CSMD3: variants seen among roughly 807,000 people sequenced by gnomAD.
CSMD3 encodes the protein CUB and sushi domain-containing protein 3.
In CSMD3, 177 loss-of-function variants were observed where a neutral mutation model predicts 435.2. The ratio of observed to expected loss-of-function variants is 0.41; its 90% CI spans 0.36 to 0.46. The LOEUF (loss-of-function observed/expected upper bound fraction) is 0.46. CSMD3 is among the 20% of genes least tolerant of loss of function. The pLI is 0.34. For missense variants in CSMD3, 4,265 were observed against 4,504.6 expected (o/e 0.95, Z 1.52); for synonymous variants, 1,656 against 1,520.5 (o/e 1.09, Z -2.07).
chr8:113,005,374 C>T (rs1488782435), intron 6 of CSMD3, among the ~76,000 whole-genome samples: 1 of 151,820 alleles, frequency 6.6e-6, no homozygotes, highest in Non-Finnish European at 1.5e-5. Context: ...AATATGTAAA[C>T]TATGTAATTT....
intron 10 of CSMD3, among the ~76,000 whole-genome samples, chr8:112,870,931 T>C (rs903914646): frequency 1.3e-5 from 2 of 152,146 alleles, no homozygotes; most frequent in Non-Finnish European, 2.9e-5. Flanking sequence ...GAAAAGGAAT[T>C]GTTTTACTTA....
intron 22 of CSMD3, among the ~76,000 whole-genome samples, chr8:112,615,005 G>GA (rs36049852): frequency 0.57 from 86,334 of 150,610 alleles, 25,123 homozygotes; most frequent in African/African-American, 0.68. Context: ...GACATAACAA[G>GA]AAAAAAAAAC....
intron 5 of CSMD3, among the ~76,000 whole-genome samples, chr8:113,045,279 C>CAT (rs1258032375): frequency 6.7e-6 from 1 of 149,112 alleles, no homozygotes; most frequent in Non-Finnish European, 1.5e-5. Context: ...GGCATACCTG[C>CAT]ATATATTGGT....
chr8:112,244,589 A>C lies in CSMD3; in HGVS notation c.10223-16T>G. On this transcript the variant is annotated splice_polypyrimidine_tract_variant and intron_variant, in intron 64 of 70. Coordinates refer to ENST00000297405, the MANE Select transcript of CSMD3 (RefSeq NM_198123.2). ...CAGCTGTGGGCTATATTAAGAAAAG[A>C]GAACAATGTAAATTTTCTATAGATA... 6.2e-7 allele frequency: 1 copy of C among 1,611,124 alleles called. No homozygotes were observed. Among genetic ancestry groups the C allele is most frequent in the South Asian group, 1.1e-5 (1 of 91,008 alleles).
intron 49 of CSMD3, among the ~76,000 whole-genome samples, chr8:112,313,500 A>T (rs1399592715): frequency 6.6e-6 from 1 of 152,108 alleles, no homozygotes; most frequent in Non-Finnish European, 1.5e-5. Flanking sequence ...CACTATTAAT[A>T]TTTTTTGTCA....
chr8:113,152,433 A>G (rs559722887), intron 4 of CSMD3, among the ~76,000 whole-genome samples: 1 of 152,206 alleles, frequency 6.6e-6, no homozygotes, highest in African/African-American at 2.4e-5. Context: ...ACAACTCAGT[A>G]TACACATATT....
chr8:113,048,884 A>C (rs2087958397), intron 5 of CSMD3, among the ~76,000 whole-genome samples: 1 of 152,112 alleles, frequency 6.6e-6, no homozygotes, highest in South Asian at 2.1e-4. Context: ...TATTTTCTCT[A>C]TCCAAACTTT....
chr8:113,081,208 T>C (rs1290010949), intron 5 of CSMD3, among the ~76,000 whole-genome samples: 1 of 152,176 alleles, frequency 6.6e-6, no homozygotes, highest in Non-Finnish European at 1.5e-5. Flanking sequence ...AATAGAATTT[T>C]ATTTTTTCAT....
chr8:112,361,413 T>C (rs1827189143), intron 38 of CSMD3, among the ~76,000 whole-genome samples: 1 of 151,480 alleles, frequency 6.6e-6, no homozygotes, highest in Admixed American at 6.6e-5. Flanking sequence ...TGCTTCACAT[T>C]ACTAATATTT....
At chr8:112,867,049 C>T (rs1258332331) in intron 10 of CSMD3, among the ~76,000 whole-genome samples, 1 of 151,924 alleles carries the variant, frequency 6.6e-6, no homozygotes, top group Non-Finnish European at 1.5e-5. Flanking sequence ...TTCTTAGGGG[C>T]AAATATGAAA....
chr8:112,988,805 TCCCCACTGTC>T (rs1177884777), intron 6 of CSMD3, among the ~76,000 whole-genome samples: 1 of 152,038 alleles, frequency 6.6e-6, no homozygotes, highest in Non-Finnish European at 1.5e-5. Flanking sequence ...AGCCAACTAT[TCCCCACTGTC>T]CCTAATAATC....
At chr8:112,687,329 ATT>A (rs916682397) in intron 14 of CSMD3, among the ~76,000 whole-genome samples, 3 of 151,956 alleles carry the variant, frequency 2.0e-5, no homozygotes, top group Admixed American at 6.6e-5. Flanking sequence ...AGACATTTTC[ATT>A]TTCTTTTAAA....
intron 10 of CSMD3, among the ~76,000 whole-genome samples, chr8:112,867,784 G>A (rs2081026014): frequency 6.6e-6 from 1 of 152,074 alleles, no homozygotes; most frequent in Non-Finnish European, 1.5e-5. Context: ...AGTTGCTCAA[G>A]GTAAGTCAGA....
chr8:112,804,983 T>C (rs1180536549), intron 12 of CSMD3, among the ~76,000 whole-genome samples: 1 of 152,126 alleles, frequency 6.6e-6, no homozygotes, highest in Non-Finnish European at 1.5e-5. Context: ...TATTCTGTGA[T>C]TTCCCCAGAA....
chr8:113,118,495 A>C (rs879332018), intron 4 of CSMD3, among the ~76,000 whole-genome samples: 1 of 152,066 alleles, frequency 6.6e-6, no homozygotes, highest in African/African-American at 2.4e-5. Context: ...GATTGGTGTT[A>C]TATTTGTAAA....
chr8:113,157,624 T>C (rs927359176), intron 4 of CSMD3, among the ~76,000 whole-genome samples: 2 of 152,046 alleles, frequency 1.3e-5, no homozygotes, highest in African/African-American at 2.4e-5. Flanking sequence ...CACTGGACAT[T>C]GATAGAGTTG....
At chr8:113,011,680 T>C (rs916486166) in intron 6 of CSMD3, among the ~76,000 whole-genome samples, 1 of 151,806 alleles carries the variant, frequency 6.6e-6, no homozygotes, top group South Asian at 2.1e-4. Flanking sequence ...TTTTATAAAA[T>C]AGGAAAAATA....
chr8:112,600,991 C>CT (rs1334234792), intron 22 of CSMD3, among the ~76,000 whole-genome samples: 1 of 151,980 alleles, frequency 6.6e-6, no homozygotes, highest in East Asian at 1.9e-4. Context: ...ATATACTTCT[C>CT]TAGACCCTGT....
intron 13 of CSMD3, among the ~76,000 whole-genome samples, chr8:112,698,440 C>T (rs752104939): frequency 7.0e-6 from 1 of 142,488 alleles, no homozygotes. Context: ...TCTATAGAAA[C>T]AAGTATATTG....
Sources: gnomAD v4.1 joint callset for allele counts (sites outside exome capture counted in the v4.1 genomes callset) on GRCh38, gnomAD v4.1.1 for gene constraint, MANE v1.5 for transcripts, NCBI Gene and HGNC (gene_info 2026-07-23, HGNC 2026-07-21) for gene names.